The following TUSC3 variants were observed in gnomAD, a reference collection of about 807,000 sequenced individuals.
The protein encoded by TUSC3 is tumor suppressor candidate 3.
In TUSC3, 45 loss-of-function variants were observed where a neutral mutation model predicts 44.8. The ratio of observed to expected loss-of-function variants is 1.00; its 90% CI spans 0.79 to 1.29. The LOEUF (loss-of-function observed/expected upper bound fraction) is 1.29. Among genes scored for constraint, TUSC3 ranks in the 50% most tolerant of loss-of-function variants. TUSC3 has a pLI of 0.00. For synonymous variants in TUSC3, 212 were observed against 152.9 expected (o/e 1.39, Z -2.85); for missense variants, 519 against 437.9 (o/e 1.19, Z -1.65).
At chr8:15,739,531 C>G (rs1811097154) in intron 7 of TUSC3, among the ~76,000 whole-genome samples, 2 of 151,998 alleles carry the variant, frequency 1.3e-5, no homozygotes, top group East Asian at 1.9e-4. Context: ...ACTGCATTTG[C>G]TCCCAACAAA....
chr8:15,622,660 G>GGGGTGGTTGTGAGGTTGTA (rs1251073800), intron 1 of TUSC3, among the ~76,000 whole-genome samples: 2 of 152,122 alleles, frequency 1.3e-5, no homozygotes, highest in African/African-American at 2.4e-5. Flanking sequence ...TGTGTTTGTG[G>GGGGTGGTTGTGAGGTTGTA]GGGTGGTTGT....
At chr8:15,645,956 T>C (rs956772) in intron 2 of TUSC3, among the ~76,000 whole-genome samples, 59,281 of 151,894 alleles carry the variant, frequency 0.39, 11,783 homozygotes, top group East Asian at 0.45. Context: ...ATTTATGATA[T>C]AGTGGCTGGC....
At chr8:15,560,500 A>G (rs1275778130) in intron 1 of TUSC3, among the ~76,000 whole-genome samples, 1 of 150,904 alleles carries the variant, frequency 6.6e-6, no homozygotes, top group East Asian at 1.9e-4. Context: ...GCTCTTCTCG[A>G]GAAGTATCTT....
chr8:15,765,755 A>T lies in TUSC3; in HGVS notation c.*1599A>T, dbSNP rs1812308853. ...GGAATGACGTTTATGGAAAAGCAATAGATGAACTTAATCATTTGATCACTG... is the reference window on the plus strand; with the variant it reads ...GGAATGACGTTTATGGAAAAGCAATTGATGAACTTAATCATTTGATCACTG... On this transcript the variant is annotated 3_prime_UTR_variant, in exon 11 of 11. Coordinates refer to ENST00000503731, the MANE Select transcript of TUSC3 (RefSeq NM_006765.4). 1.3e-5 allele frequency: 2 copies of T among 152,114 alleles called. No individual in the cohort carries two copies. Among genetic ancestry groups the T allele is most frequent in the Admixed American group, 1.3e-4 (2 of 15,250 alleles). 9.4% of individuals were successfully genotyped at this position (152,114 alleles called of 1,614,324 possible). A position where few individuals can be genotyped will look rare whatever the true frequency, so the allele number is the denominator to read the frequency against.
At chr8:15,684,426 T>A (rs1808544339) in intron 6 of TUSC3, among the ~76,000 whole-genome samples, 1 of 152,150 alleles carries the variant, frequency 6.6e-6, no homozygotes, top group African/African-American at 2.4e-5. Context: ...ATTTTCAGCC[T>A]GGCAGCCCAA....
At chr8:15,585,085 G>C (rs1043725522) in intron 1 of TUSC3, among the ~76,000 whole-genome samples, 2 of 152,132 alleles carry the variant, frequency 1.3e-5, no homozygotes, top group African/African-American at 2.4e-5. Context: ...TATTACATCG[G>C]AAGAGATGAT....
chr8:15,755,310 G>C lies in TUSC3; in HGVS notation c.1029-2481G>C, dbSNP rs574764201. Reference sequence around the variant, plus strand: ...TGAGAGAATGCTTGGAAATCACTTAGCACATTGCCTGGTACATAGTACTGA... The same window carrying C: ...TGAGAGAATGCTTGGAAATCACTTACCACATTGCCTGGTACATAGTACTGA... On this transcript the variant is annotated intron_variant, in intron 9 of 10. Coordinates refer to ENST00000503731, the MANE Select transcript of TUSC3 (RefSeq NM_006765.4). 5.3e-5 allele frequency among the ~76,000 whole-genome samples: 8 copies of C among 152,150 alleles called. No homozygotes were observed. The East Asian group carries it at 1.3e-3, about 26-fold the overall frequency.
At chr8:15,816,446 C>T in the TUSC3 span, among the ~76,000 whole-genome samples, 1 of 152,036 alleles carries the variant, frequency 6.6e-6, no homozygotes, top group Non-Finnish European at 1.5e-5. Flanking sequence ...AAACTCTTGA[C>T]AATACATTAA....
chr8:15,447,235 T>C (rs747091432), intron 1 of TUSC3, among the ~76,000 whole-genome samples: 42 of 152,100 alleles, frequency 2.8e-4, no homozygotes, highest in Non-Finnish European at 5.4e-4. Flanking sequence ...CATATTTGAA[T>C]AAAGCAACCT....
At chr8:15,739,925 T>TTTG (rs398007139) in intron 7 of TUSC3, among the ~76,000 whole-genome samples, 4 of 152,020 alleles carry the variant, frequency 2.6e-5, no homozygotes, top group African/African-American at 7.2e-5. Context: ...TCCTTGTTTG[T>TTTG]AAACAGATGG....
At chr8:15,427,243 T>TG (rs36116742) in intron 1 of TUSC3, among the ~76,000 whole-genome samples, 2 of 147,790 alleles carry the variant, frequency 1.4e-5, no homozygotes, top group Admixed American at 6.7e-5. Flanking sequence ...TTTTTTTTTT[T>TG]AGTTTAGTTT....
the TUSC3 span, among the ~76,000 whole-genome samples, chr8:15,798,654 G>A: frequency 6.9e-6 from 1 of 145,348 alleles, no homozygotes; most frequent in Non-Finnish European, 1.5e-5. Context: ...GTGTGTGGGG[G>A]GGGTCCTCTT....
chr8:15,635,016 A>G (rs1039093019), intron 2 of TUSC3, among the ~76,000 whole-genome samples: 4 of 151,818 alleles, frequency 2.6e-5, no homozygotes, highest in Non-Finnish European at 5.9e-5. Flanking sequence ...AAACAAGAGA[A>G]CTCAGTGACT....
At chr8:15,570,107 T>C (rs1487037159) in intron 1 of TUSC3, among the ~76,000 whole-genome samples, 1 of 152,140 alleles carries the variant, frequency 6.6e-6, no homozygotes, top group Non-Finnish European at 1.5e-5. Context: ...TACTCTTGGT[T>C]ATAGCTTGTC....
chr8:15,602,014 G>A (rs1418608484), intron 1 of TUSC3, among the ~76,000 whole-genome samples: 1 of 151,136 alleles, frequency 6.6e-6, no homozygotes, highest in African/African-American at 2.4e-5. Context: ...CTAAAAATAC[G>A]ATGTCTACCT....
At chr8:15,824,885 G>A in the TUSC3 span, among the ~76,000 whole-genome samples, 1 of 152,134 alleles carries the variant, frequency 6.6e-6, no homozygotes, top group African/African-American at 2.4e-5. Flanking sequence ...TAATTGGACT[G>A]AAAAGTTTCA....
At chr8:15,498,300 C>G (rs1164673434) in intron 2 of TUSC3, among the ~76,000 whole-genome samples, 1 of 152,128 alleles carries the variant, frequency 6.6e-6, no homozygotes, top group African/African-American at 2.4e-5. Flanking sequence ...TTTCTGGAAG[C>G]TCTCATTTGA....
At chr8:15,451,970 C>T (rs1452613852) in intron 1 of TUSC3, among the ~76,000 whole-genome samples, 3 of 152,008 alleles carry the variant, frequency 2.0e-5, no homozygotes, top group African/African-American at 4.8e-5. Context: ...AATGTGAGGC[C>T]TTTCCACATA....
intron 1 of TUSC3, among the ~76,000 whole-genome samples, chr8:15,423,041 A>C (rs762658690): frequency 3.3e-5 from 5 of 152,208 alleles, no homozygotes; most frequent in Admixed American, 1.3e-4. Flanking sequence ...TTCTTGACTT[A>C]GTAAATATAT....
Sources: allele counts gnomAD v4.1 joint callset (sites outside exome capture counted in the v4.1 genomes callset), GRCh38; gene constraint gnomAD v4.1.1; transcripts MANE v1.5; gene names NCBI Gene and HGNC (gene_info 2026-07-23, HGNC 2026-07-21).